Variants in ANKRD26 observed in about 807,000 individuals in gnomAD.
The protein encoded by ANKRD26 is ankyrin repeat domain 26.
A neutral mutation model predicts 208.7 loss-of-function variants in ANKRD26; 141 were observed. The ratio of observed to expected loss-of-function variants is 0.68; its 90% CI spans 0.59 to 0.78. The LOEUF is 0.78. ANKRD26 is among the 30% of genes least tolerant of loss of function. The pLI is 0.00. For missense variants in ANKRD26, 1,889 were observed against 1,938.7 expected, an observed-to-expected ratio of 0.97 and a Z score of 0.48; for synonymous variants, 636 against 660.4, an observed-to-expected ratio of 0.96 and a Z score of 0.57.
At chr10:26,965,101 G>A in the ANKRD26 span, among the ~76,000 whole-genome samples, 1 of 152,146 alleles carries the variant, frequency 6.6e-6, no homozygotes, top group South Asian at 2.1e-4. Context: ...AGCTACCAAT[G>A]ACTTTCTTCA....
intron 5 of ANKRD26, among the ~76,000 whole-genome samples, chr10:26,976,637 G>A (rs886682055): frequency 3.3e-5 from 5 of 152,136 alleles, no homozygotes; most frequent in African/African-American, 1.2e-4. Flanking sequence ...AGGGCGGTTT[G>A]TTTGTAGCAC....
Position 27,022,572 on chromosome 10 carries a change from TATTAATC to T in ANKRD26, c.4194_4200del (p.Ile1399SerfsTer2). ...TTAAAAATTACCTTATGTTTTAGCT[TATTAATC>T]TGAATATCCATTTCAAATTGACTAG... is the stretch of plus-strand genomic sequence containing the variant. On this transcript the variant is annotated frameshift_variant, in exon 29 of 34. Transcript: ENST00000376087. LOFTEE classifies it high-confidence loss of function. 6.5e-7 allele frequency: 1 copy of T among 1,534,422 alleles called. No homozygotes were observed. The highest frequency in any genetic ancestry group is 9.0e-7 in the Non-Finnish European group (1 of 1,115,182).
intron 5 of ANKRD26, among the ~76,000 whole-genome samples, chr10:27,085,492 T>A (rs1262502623): frequency 2.0e-5 from 3 of 152,198 alleles, no homozygotes; most frequent in Non-Finnish European, 4.4e-5. Flanking sequence ...TTTGTTGGTA[T>A]AAGAATAAGT....
At chr10:27,087,581 T>C (rs1339733458) in intron 4 of ANKRD26, among the ~76,000 whole-genome samples, 2 of 152,194 alleles carry the variant, frequency 1.3e-5, no homozygotes, top group Non-Finnish European at 2.9e-5. Flanking sequence ...CTTATAAATA[T>C]AGCATCTCAT....
intron 15 of ANKRD26, among the ~76,000 whole-genome samples, chr10:27,058,893 T>A (rs1407627189): frequency 6.8e-6 from 1 of 147,634 alleles, no homozygotes; most frequent in African/African-American, 2.5e-5. Context: ...ATTTTTATGT[T>A]TTTTTGTTTG....
chr10:26,966,885 TA>T, the ANKRD26 span, among the ~76,000 whole-genome samples: 5 of 152,008 alleles, frequency 3.3e-5, no homozygotes, highest in African/African-American at 7.3e-5. Flanking sequence ...ATAATACCTA[TA>T]AAAAATCAAA....
In ANKRD26 at chr10:27,067,190, A is replaced by C; in HGVS notation, c.1174T>G (p.Tyr392Asp). Residue 392 changes from tyrosine to aspartate, a missense_variant, in exon 10 of 34, where the codon TAT becomes GAT. Tyr to Asp is a radical substitution (Grantham distance 160). Around this residue, in one of 3 missense-constraint regions of ANKRD26, gnomAD observed 1,272 missense variants for 1,273.8 expected, o/e 1.00. Transcript: ENST00000376087. ...TTATTTTTGTGCACTTCATCAACAT[A>C]AGTCAAATTGTCATTATTTGTTTGC... ...LEQTNNDNLT[Y>D]VDEVHKNNRS... 1 of 1,613,776 alleles carries C rather than the reference A, an allele frequency of 6.2e-7. No homozygotes were observed. Among genetic ancestry groups the C allele is most frequent in the Non-Finnish European group, 8.5e-7 (1 of 1,179,768 alleles).
intron 9 of ANKRD26, among the ~76,000 whole-genome samples, chr10:27,076,454 G>A (rs998618833): frequency 2.6e-5 from 4 of 151,848 alleles, no homozygotes; most frequent in African/African-American, 9.7e-5. Flanking sequence ...TAGTAGAGAC[G>A]GAGTTTCACC....
chr10:26,953,356 C>T, the ANKRD26 span, among the ~76,000 whole-genome samples: 197 of 152,240 alleles, frequency 1.3e-3, no homozygotes, highest in Middle Eastern at 0.01. Context: ...CCCAGAAGTT[C>T]GAGAGTTCGA....
intron 25 of ANKRD26, among the ~76,000 whole-genome samples, 161 bp downstream of exon 25, chr10:27,033,064 T>C (rs546044867): frequency 9.2e-5 from 13 of 141,008 alleles, no homozygotes; most frequent in South Asian, 8.8e-4. Context: ...GCCTGGGCAA[T>C]AGAACGAGAC....
the ANKRD26 span, among the ~76,000 whole-genome samples, chr10:26,955,607 C>T: frequency 1.3e-5 from 2 of 152,228 alleles, no homozygotes; most frequent in East Asian, 3.9e-4. Flanking sequence ...CATTTCCTAG[C>T]CTCTTGAACA....
chr10:26,995,225 G>A, intron 4 of ANKRD26: 1 of 469,120 alleles, frequency 2.1e-6, no homozygotes, highest in East Asian at 7.0e-5. Context: ...ACTTCACGGA[G>A]GTTAACCTAT....
At chr10:26,969,439 T>A (rs2052112841), downstream of ANKRD26, among the ~76,000 whole-genome samples, 1 of 152,218 alleles carries the variant, frequency 6.6e-6, no homozygotes, top group African/African-American at 2.4e-5. Context: ...ATAGCAAAGC[T>A]GGCCTGAGAA....
At chr10:27,098,559 T>TC (rs1236329360) in intron 1 of ANKRD26, among the ~76,000 whole-genome samples, 1 of 151,594 alleles carries the variant, frequency 6.6e-6, no homozygotes, top group African/African-American at 2.4e-5. Flanking sequence ...CCACTTTTTT[T>TC]TTTTTTTGAG....
intron 5 of ANKRD26, among the ~76,000 whole-genome samples, chr10:26,977,497 A>G (rs910784241): frequency 6.6e-6 from 1 of 152,226 alleles, no homozygotes; most frequent in African/African-American, 2.4e-5. Context: ...TCAGAGCATA[A>G]TGATATTTTG....
At chr10:26,985,001 G>A (rs2052362689) in intron 3 of ANKRD26, among the ~76,000 whole-genome samples, 1 of 152,104 alleles carries the variant, frequency 6.6e-6, no homozygotes, top group South Asian at 2.1e-4. Flanking sequence ...GTTCAGAGGG[G>A]ACTTCACAGA....
intron 17 of ANKRD26, among the ~76,000 whole-genome samples, chr10:27,047,165 T>C (rs2054476237): frequency 6.6e-6 from 1 of 152,232 alleles, no homozygotes; most frequent in African/African-American, 2.4e-5. Context: ...AAATGAAGTT[T>C]ATTTTAAATG....
chr10:26,995,406 T>G (rs2052569485), intron 4 of ANKRD26, among the ~76,000 whole-genome samples: 1 of 152,148 alleles, frequency 6.6e-6, no homozygotes, highest in African/African-American at 2.4e-5. Context: ...GTCTAACTGT[T>G]GCCATAATAG....
At chr10:27,044,036 C>T (rs1437070963) in intron 19 of ANKRD26, 121 bp downstream of exon 19, 2 of 721,362 alleles carry the variant, frequency 2.8e-6, no homozygotes, top group Non-Finnish European at 4.1e-6. Context: ...TCAAGCAATC[C>T]TCCCGCTTTA....
Sources: allele counts gnomAD v4.1 joint callset (sites outside exome capture counted in the v4.1 genomes callset), GRCh38; gene constraint gnomAD v4.1.1; regional missense constraint gnomAD v4.1.1; transcripts MANE v1.5; gene names NCBI Gene and HGNC (gene_info 2026-07-23, HGNC 2026-07-21).